PTPRE: variants seen among roughly 807,000 people sequenced by gnomAD.
PTPRE encodes protein tyrosine phosphatase receptor type E, also known as receptor-type tyrosine-protein phosphatase epsilon.
Under a neutral mutation model 102.0 loss-of-function variants are expected in PTPRE, and 51 were observed. That is an observed-to-expected ratio of 0.50 (90% CI 0.40 to 0.63). PTPRE has a LOEUF of 0.63. Ranked by LOEUF, PTPRE falls within the 30% of genes least tolerant of loss-of-function variation. The probability of loss-of-function intolerance (pLI) is 0.00; values close to 1 mark genes in which losing one functional copy is unlikely to be tolerated. For missense variants in PTPRE, 752 were observed against 915.1 expected, an observed-to-expected ratio of 0.82 and a Z score of 2.30; for synonymous variants, 345 against 348.2, an observed-to-expected ratio of 0.99 and a Z score of 0.10.
At chr10:128,001,616 G>C (rs1274996425) in intron 2 of PTPRE, among the ~76,000 whole-genome samples, 2 of 152,190 alleles carry the variant, frequency 1.3e-5, no homozygotes, top group Non-Finnish European at 2.9e-5. Context: ...ACAGGCAGGG[G>C]CTGGCAGCTG....
chr10:127,996,573 G>C (rs961012418), intron 2 of PTPRE, among the ~76,000 whole-genome samples: 13 of 152,182 alleles, frequency 8.5e-5, no homozygotes, highest in Non-Finnish European at 1.9e-4. Flanking sequence ...CACCTCACTG[G>C]AACCCATGCC....
At chr10:127,950,829 G>C (rs1848963670) in intron 1 of PTPRE, among the ~76,000 whole-genome samples, 1 of 152,102 alleles carries the variant, frequency 6.6e-6, no homozygotes. Context: ...GGGCAAAGTG[G>C]CTCAAGCCTG....
In PTPRE at chr10:128,018,940, T is replaced by A. The variant is rs1845646248; in HGVS notation, c.-7-21935T>A. On this transcript the variant is annotated intron_variant, in intron 2 of 20. Transcript: ENST00000254667. ...ACAGATACACAGTGTTTCAGCCCAT[T>A]TCTACAGAAATGACTAATGTGCACA... Among the ~76,000 whole-genome samples, 3 of 152,116 alleles carry A rather than the reference T, an allele frequency of 2.0e-5. No homozygotes were observed. In the South Asian group the frequency reaches 6.2e-4, roughly 32 times the overall value.
Position 128,009,911 on chromosome 10 carries a change from C to T in PTPRE, c.-8+27615C>T, listed in dbSNP as rs1020370614. Among the ~76,000 whole-genome samples the T allele has an allele frequency of 4.6e-5, 7 of 152,236 alleles. 1 individual carries two copies. In the East Asian group the frequency reaches 7.7e-4, roughly 17 times the overall value. On this transcript the variant is annotated intron_variant, in intron 2 of 20. Transcript: ENST00000254667. ...GGAGTCAGGGGGACATATGAGTCAC[C>T]GTCCAAGCCCTGACCCTTATGAGAG... is the stretch of plus-strand genomic sequence containing the variant.
intron 2 of PTPRE, among the ~76,000 whole-genome samples, chr10:128,016,587 C>T (rs757534860): frequency 4.6e-5 from 7 of 151,662 alleles, no homozygotes; most frequent in East Asian, 1.9e-4. Flanking sequence ...AGGCTGACGG[C>T]GGTGAGCAGA....
chr10:128,068,239 A>G lies in PTPRE; in HGVS notation c.960A>G (p.Val320=). Reference sequence around the variant, plus strand: ...GGATGCTGAAGTTCCTCAAGAAAGTAAAGACGCTCAACCCCGTGCACGCTG... The same window carrying G: ...GGATGCTGAAGTTCCTCAAGAAAGTGAAGACGCTCAACCCCGTGCACGCTG... ...PIGMLKFLKK[V]KTLNPVHAGP... The change falls in exon 12 of 21, where the codon GTA becomes GTG. Residue 320 remains valine, a synonymous_variant. Coordinates refer to ENST00000254667, the MANE Select transcript of PTPRE (RefSeq NM_006504.6). 6.2e-7 allele frequency: 1 copy of G among 1,614,154 alleles called. No individual in the cohort carries two copies. Among genetic ancestry groups the G allele is most frequent in the Non-Finnish European group, 8.5e-7 (1 of 1,180,004 alleles).
chr10:128,031,923 T>G (rs889260438), intron 2 of PTPRE, among the ~76,000 whole-genome samples: 7 of 152,122 alleles, frequency 4.6e-5, no homozygotes, highest in Non-Finnish European at 1.0e-4. Flanking sequence ...ATTTCCCTCT[T>G]CAACAGAGAC....
At chr10:128,040,062 A>AC (rs1416452020) in intron 2 of PTPRE, among the ~76,000 whole-genome samples, 2 of 151,864 alleles carry the variant, frequency 1.3e-5, no homozygotes, top group Admixed American at 1.3e-4. Context: ...GGGCATTCCC[A>AC]CCCCCTACCC....
intron 2 of PTPRE, among the ~76,000 whole-genome samples, chr10:128,033,864 C>T (rs1190200727): frequency 1.3e-5 from 2 of 152,298 alleles, no homozygotes; most frequent in East Asian, 1.9e-4. Flanking sequence ...AGGATGGTCT[C>T]GAACTCCTGA....
At chr10:128,016,294 C>T (rs1435490522) in intron 2 of PTPRE, among the ~76,000 whole-genome samples, 1 of 152,116 alleles carries the variant, frequency 6.6e-6, no homozygotes, top group African/African-American at 2.4e-5. Context: ...TAATACAGGT[C>T]ACATTTAGTC....
At chr10:127,918,786 G>A (rs1311687297) in intron 1 of PTPRE, among the ~76,000 whole-genome samples, 4 of 152,186 alleles carry the variant, frequency 2.6e-5, no homozygotes, top group South Asian at 2.1e-4. Context: ...GGGCCTGCCC[G>A]CGAGGAAGAG....
intron 6 of PTPRE, among the ~76,000 whole-genome samples, chr10:128,051,433 C>T (rs1411713955): frequency 6.6e-6 from 1 of 152,248 alleles, no homozygotes; most frequent in Non-Finnish European, 1.5e-5. Flanking sequence ...CAGGCAGTCC[C>T]TGGTGAAGAA....
chr10:127,952,456 G>A (rs1849104897), intron 1 of PTPRE, among the ~76,000 whole-genome samples: 1 of 151,752 alleles, frequency 6.6e-6, no homozygotes, highest in Admixed American at 6.6e-5. Context: ...AGCTACTTAG[G>A]TCATAAGTCA....
chr10:127,966,255 G>A (rs1850243753), intron 1 of PTPRE, among the ~76,000 whole-genome samples: 1 of 152,112 alleles, frequency 6.6e-6, no homozygotes, highest in African/African-American at 2.4e-5. Context: ...CCCCTCAGCA[G>A]GTGTGTGGAG....
At chr10:127,970,314 C>T (rs924050231) in intron 1 of PTPRE, among the ~76,000 whole-genome samples, 1 of 152,160 alleles carries the variant, frequency 6.6e-6, no homozygotes, top group African/African-American at 2.4e-5. Flanking sequence ...AATGGAAGGA[C>T]GGTAAGGTCT....
At chr10:127,922,990 C>T (rs1846715791) in intron 1 of PTPRE, among the ~76,000 whole-genome samples, 1 of 152,230 alleles carries the variant, frequency 6.6e-6, no homozygotes, top group Non-Finnish European at 1.5e-5. Context: ...GCTCTGACCC[C>T]AGACCCAGCC....
intron 20 of PTPRE, among the ~76,000 whole-genome samples, 153 bp downstream of exon 20, chr10:128,079,848 C>T (rs1300954916): frequency 1.3e-5 from 2 of 152,138 alleles, no homozygotes; most frequent in Non-Finnish European, 2.9e-5. Context: ...TCGCAGTAAA[C>T]CTCTGCAGAG....
At chr10:128,061,122 G>A in intron 8 of PTPRE, 107 bp downstream of exon 8, 1 of 1,116,296 alleles carries the variant, frequency 9.0e-7, no homozygotes, top group Non-Finnish European at 1.3e-6. Context: ...TTTCTGGGCA[G>A]TTTGGCCACA....
At chr10:127,999,579 A>AG (rs755141994) in intron 2 of PTPRE, 7 of 985,490 alleles carry the variant, frequency 7.1e-6, no homozygotes, top group Non-Finnish European at 8.4e-6. Flanking sequence ...TCGAGCACGC[A>AG]GGTTGCACTG....
Sources: allele counts gnomAD v4.1 joint callset (sites outside exome capture counted in the v4.1 genomes callset), GRCh38; gene constraint gnomAD v4.1.1; transcripts MANE v1.5; gene names NCBI Gene and HGNC (gene_info 2026-07-23, HGNC 2026-07-21).